ALDH1A3: variants seen among roughly 807,000 people sequenced by gnomAD.
ALDH1A3 encodes aldehyde dehydrogenase 1 family member A3.
In ALDH1A3, 28 loss-of-function variants were observed where a neutral mutation model predicts 57.5. That is an observed-to-expected ratio of 0.49 (90% confidence interval 0.36 to 0.67). ALDH1A3 has a LOEUF of 0.67. ALDH1A3 is among the 30% of genes least tolerant of loss of function. The pLI is 0.00. For missense variants in ALDH1A3, 507 were observed against 669.4 expected (o/e 0.76, Z 2.68); for synonymous variants, 281 against 264.8 (o/e 1.06, Z -0.59).
chr15:100,905,753 C>A, intron 10 of ALDH1A3, 66 bp downstream of exon 10: 1 of 1,404,254 alleles, frequency 7.1e-7, no homozygotes, highest in Non-Finnish European at 9.6e-7. Flanking sequence ...TTCCCTAGGG[C>A]CCAGGGATCC....
chr15:100,894,837 GA>G lies in ALDH1A3; in HGVS notation c.666+756del, dbSNP rs1277600653. 1.3e-5 allele frequency: 2 copies of G among 152,224 alleles called. No individual in the cohort carries two copies. Among genetic ancestry groups the G allele is most frequent in the Non-Finnish European group, 2.9e-5 (2 of 68,070 alleles). 9.4% of individuals were successfully genotyped at this position (152,224 alleles called of 1,614,324 possible). Reference sequence around the variant, plus strand: ...GGGCATAATTAAGTCACACTGGTGAGACTTAGGAATGTGAAAATCCCAACTG... The same window carrying G: ...GGGCATAATTAAGTCACACTGGTGAGCTTAGGAATGTGAAAATCCCAACTG... On this transcript the variant is annotated intron_variant, in intron 6 of 12. Coordinates refer to ENST00000329841, the MANE Select transcript of ALDH1A3 (RefSeq NM_000693.4). The surrounding 1 kb of genome is among the most constrained non-coding windows in gnomAD (Gnocchi z 4.5).
rs4246328 is a variant in ALDH1A3, at chr15:100,906,065, G to A, written c.1233+378G>A. Among the ~76,000 whole-genome samples, 68,701 of 151,978 alleles carry A rather than the reference G, an allele frequency of 0.45. 17,068 individuals carry two copies. The highest frequency in any genetic ancestry group is 0.66 in the South Asian group (3,180 of 4,806). ...CACCTGTGGGTTTTGCCAGGAATCA[G>A]TTCAAGAACCTGTGGATTCAGGGCC... On this transcript the variant is annotated intron_variant, in intron 10 of 12. Transcript: ENST00000329841. This position sits in a 1 kb window ranked among gnomAD's most constrained non-coding sequence, Gnocchi z 4.8.
rs2041925350 is a variant in ALDH1A3 at position 100,915,799 on chromosome 15, G to C, written c.*1026G>C. On this transcript the variant is annotated 3_prime_UTR_variant, in exon 13 of 13. Transcript: ENST00000329841. ...CCTTGTTATTTTTAAGTCCTATTTTGATATTAATTTCTGATTAGTTAGTAA... is the reference window on the plus strand; with the variant it reads ...CCTTGTTATTTTTAAGTCCTATTTTCATATTAATTTCTGATTAGTTAGTAA... 1 of 152,158 alleles carries C rather than the reference G, an allele frequency of 6.6e-6. No homozygotes were observed. The allele number at this position is 152,158 out of a possible 1,614,324, so 9.4% of individuals were successfully genotyped here. A position where few individuals can be genotyped will look rare whatever the true frequency, so the allele number is the denominator to read the frequency against.
intron 12 of ALDH1A3, 67 bp from the exon 13 acceptor site, chr15:100,914,634 G>A: frequency 6.7e-7 from 1 of 1,487,222 alleles, no homozygotes; most frequent in Non-Finnish European, 9.3e-7. Context: ...TGAAGCCTCA[G>A]AACAGTTTCT....
intron 12 of ALDH1A3, among the ~76,000 whole-genome samples, chr15:100,910,529 C>T (rs2041873049): frequency 1.3e-5 from 2 of 152,196 alleles, no homozygotes; most frequent in Non-Finnish European, 2.9e-5. Context: ...CATCCTCACG[C>T]CCATCCATGA....
At chr15:100,891,407 C>T (rs1159016110) in intron 3 of ALDH1A3, among the ~76,000 whole-genome samples, 1 of 152,204 alleles carries the variant, frequency 6.6e-6, no homozygotes, top group Non-Finnish European at 1.5e-5. Flanking sequence ...GGAGTGGCTG[C>T]CCTGCAGTCT....
intron 12 of ALDH1A3, among the ~76,000 whole-genome samples, chr15:100,909,366 T>A (rs2041859697): frequency 6.7e-6 from 1 of 148,280 alleles, no homozygotes; most frequent in South Asian, 2.1e-4. Context: ...CACGTGTGCA[T>A]GTAAACCCAC....
chr15:100,895,704 TG>T, intron 6 of ALDH1A3: 1 of 564,898 alleles, frequency 1.8e-6, no homozygotes. Context: ...GAAGGAGAAG[TG>T]GGCATCTCCC....
chr15:100,892,804 G>A, intron 4 of ALDH1A3, 141 bp from the exon 5 acceptor site: 2 of 1,322,682 alleles, frequency 1.5e-6, no homozygotes, highest in Non-Finnish European at 2.1e-6. Context: ...TTTTAAAGTT[G>A]AGGTCAAATC....
chr15:100,892,853 C>A lies in ALDH1A3; in HGVS notation c.476-92C>A, dbSNP rs760137633. 7.8e-5 allele frequency: 112 copies of A among 1,438,704 alleles called. No individual in the cohort carries two copies. In the Middle Eastern group the frequency reaches 8.9e-4, roughly 11 times the overall value. 89.1% of individuals were successfully genotyped at this position (1,438,704 alleles called of 1,614,324 possible). A position where few individuals can be genotyped will look rare whatever the true frequency, so the allele number is the denominator to read the frequency against. ...ATAGACAAGACTTGAATCTGGCACC[C>A]TTGTTGGTTTCTTTCTTGTCTTTTT... On this transcript the variant is annotated intron_variant, in intron 4 of 12. Transcript: ENST00000329841.
At chr15:100,882,516 T>C (rs569853827) in intron 1 of ALDH1A3, among the ~76,000 whole-genome samples, 1 of 152,344 alleles carries the variant, frequency 6.6e-6, no homozygotes, top group East Asian at 1.9e-4. Context: ...AACATATTCT[T>C]TTTGAGTTTA....
chr15:100,884,101 T>A (rs1233133533), intron 1 of ALDH1A3, among the ~76,000 whole-genome samples: 3 of 152,052 alleles, frequency 2.0e-5, no homozygotes, highest in Admixed American at 2.0e-4. Context: ...GCCACGGGGG[T>A]TCTTCTGATG....
chr15:100,882,758 T>A (rs953517940), intron 1 of ALDH1A3, among the ~76,000 whole-genome samples: 1 of 152,242 alleles, frequency 6.6e-6, no homozygotes, highest in East Asian at 1.9e-4. Flanking sequence ...CAACAATTCC[T>A]TCTAGACCCT....
Position 100,893,942 on chromosome 15 carries a change from G to T in ALDH1A3, c.538-12G>T. On this transcript the variant is annotated splice_polypyrimidine_tract_variant and intron_variant, in intron 5 of 12. Coordinates refer to ENST00000329841, the MANE Select transcript of ALDH1A3 (RefSeq NM_000693.4). This position sits in a 1 kb window ranked among gnomAD's most constrained non-coding sequence, Gnocchi z 4.8. ...GGATCTGGGCCTCCAAAGCCCCTGT[G>T]CTCTGTCGCAGTGGAACTTCCCCCT... 1 of 1,613,758 alleles carries T rather than the reference G, an allele frequency of 6.2e-7. No individual in the cohort carries two copies. Among genetic ancestry groups the T allele is most frequent in the Non-Finnish European group, 8.5e-7 (1 of 1,179,790 alleles).
intron 7 of ALDH1A3, 37 bp from the exon 8 acceptor site, chr15:100,898,046 A>C (rs2041726008): frequency 1.9e-6 from 3 of 1,594,272 alleles, no homozygotes; most frequent in East Asian, 4.5e-5. Context: ...GTTCAGCAAC[A>C]TCCAAGGTAA....
intron 12 of ALDH1A3, among the ~76,000 whole-genome samples, chr15:100,911,145 A>G (rs1299843910): frequency 6.6e-6 from 1 of 152,254 alleles, no homozygotes; most frequent in Non-Finnish European, 1.5e-5. Flanking sequence ...GGAGCCTAGA[A>G]ACTGCCTGGA....
intron 7 of ALDH1A3, among the ~76,000 whole-genome samples, chr15:100,897,626 G>T (rs2041720445): frequency 6.6e-6 from 1 of 152,262 alleles, no homozygotes; most frequent in South Asian, 2.1e-4. Flanking sequence ...GGTTCCCTCA[G>T]ATCACACCAA....
intron 9 of ALDH1A3, among the ~76,000 whole-genome samples, chr15:100,904,740 TCAGG>T (rs1350912885): frequency 6.6e-6 from 1 of 152,158 alleles, no homozygotes; most frequent in Non-Finnish European, 1.5e-5. Context: ...AAGCTGTGGG[TCAGG>T]CTGGTGGCAC....
Position 100,908,360 on chromosome 15 carries a change from AG to A in ALDH1A3, c.1392-43del, listed in dbSNP as rs773178840. The A allele has an allele frequency of 7.2e-6, 11 of 1,535,560 alleles. No individual in the cohort carries two copies. The African/African-American group carries it at 1.4e-4, about 19-fold the overall frequency. Reference sequence around the variant, plus strand: ...CTAAGTGGCTGCAGTGCCAGGAGCCAGGGGGTCTTCTCCAGATGACTCTGAG... The same window carrying A: ...CTAAGTGGCTGCAGTGCCAGGAGCCAGGGGTCTTCTCCAGATGACTCTGAG... On this transcript the variant is annotated intron_variant, in intron 11 of 12. Transcript: ENST00000329841.
Sources: allele counts gnomAD v4.1 joint callset (sites outside exome capture counted in the v4.1 genomes callset), GRCh38; gene constraint gnomAD v4.1.1; non-coding constraint Gnocchi (gnomAD v3.1); transcripts MANE v1.5; gene names NCBI Gene and HGNC (gene_info 2026-07-23, HGNC 2026-07-21).